The following FAM135B variants were observed in gnomAD, a reference collection of about 807,000 sequenced individuals.
FAM135B encodes the protein protein FAM135B.
In FAM135B, 43 loss-of-function variants were observed where a neutral mutation model predicts 127.7. The observed-to-expected ratio is 0.34, with a 90% confidence interval of 0.26 to 0.43. The LOEUF (loss-of-function observed/expected upper bound fraction) is 0.43. Ranked by LOEUF, FAM135B falls within the 20% of genes least tolerant of loss-of-function variation. The pLI is 1.00. For synonymous variants in FAM135B, 670 were observed against 665.1 expected (o/e 1.01, Z -0.11); for missense variants, 1,558 against 1,725.6 (o/e 0.90, Z 1.72).
intron 1 of FAM135B, among the ~76,000 whole-genome samples, chr8:138,374,604 C>T (rs1437699523): frequency 6.6e-6 from 1 of 152,112 alleles, no homozygotes; most frequent in Non-Finnish European, 1.5e-5. Flanking sequence ...GACTCTAGGC[C>T]AGAGTGTGAA....
At chr8:138,337,679 C>T (rs955929724) in intron 2 of FAM135B, among the ~76,000 whole-genome samples, 7 of 152,092 alleles carry the variant, frequency 4.6e-5, no homozygotes, top group African/African-American at 1.7e-4. Context: ...AATGGCCAAA[C>T]TGCCCAAGGT....
intron 5 of FAM135B, 103 bp downstream of exon 5, chr8:138,256,586 G>A: frequency 2.1e-6 from 2 of 930,548 alleles, no homozygotes; most frequent in Non-Finnish European, 3.4e-6. Context: ...ATGCTGATCT[G>A]AGAGACGTTC....
chr8:138,227,201 A>G lies in FAM135B; in HGVS notation c.669+15741T>C, dbSNP rs564608494. Among the ~76,000 whole-genome samples the G allele has an allele frequency of 1.6e-4, 24 of 152,238 alleles. No homozygotes were observed. In the East Asian group the frequency reaches 4.3e-3, roughly 27 times the overall value. The stretch of plus-strand genomic sequence containing the variant: ...GACCTTTGACATGGCTGTTGCTAAA[A>G]CCTCTGCTCAAATATGGATGCTCAT... On this transcript the variant is annotated intron_variant, in intron 7 of 19. Transcript: ENST00000395297.
chr8:138,424,067 C>T (rs1463397515), intron 1 of FAM135B, among the ~76,000 whole-genome samples: 2 of 151,916 alleles, frequency 1.3e-5, no homozygotes, highest in Non-Finnish European at 2.9e-5. Context: ...TTCAAGGTGC[C>T]CAGATTTCAT....
intron 3 of FAM135B, among the ~76,000 whole-genome samples, chr8:138,310,517 C>A (rs1002497510): frequency 4.6e-5 from 7 of 152,126 alleles, no homozygotes; most frequent in African/African-American, 1.4e-4. Flanking sequence ...CTTTAACAGG[C>A]TTCTCTACCC....
At chr8:138,223,951 T>C (rs1013895299) in intron 7 of FAM135B, among the ~76,000 whole-genome samples, 14 of 152,116 alleles carry the variant, frequency 9.2e-5, no homozygotes, top group African/African-American at 3.4e-4. Context: ...AAATGTCACA[T>C]GTTCTCACTT....
At chr8:138,223,810 A>T (rs1267650122) in intron 7 of FAM135B, among the ~76,000 whole-genome samples, 1 of 152,242 alleles carries the variant, frequency 6.6e-6, no homozygotes, top group Non-Finnish European at 1.5e-5. Flanking sequence ...GATGGATTAG[A>T]TAAACAACAT....
At chr8:138,145,766 A>G (rs1044211326) in intron 15 of FAM135B, among the ~76,000 whole-genome samples, 193 bp downstream of exon 15, 1 of 152,046 alleles carries the variant, frequency 6.6e-6, no homozygotes, top group Non-Finnish European at 1.5e-5. Flanking sequence ...ACATGTTCTC[A>G]TTTCTTACCG....
intron 1 of FAM135B, among the ~76,000 whole-genome samples, chr8:138,425,733 T>C (rs1266953514): frequency 1.3e-5 from 2 of 151,448 alleles, no homozygotes; most frequent in Non-Finnish European, 2.9e-5. Flanking sequence ...GTAGATACCA[T>C]GCTTTCTCCT....
intron 1 of FAM135B, among the ~76,000 whole-genome samples, chr8:138,445,729 T>C (rs920579368): frequency 5.3e-5 from 8 of 152,184 alleles, no homozygotes; most frequent in Non-Finnish European, 1.5e-5. Context: ...AAGCATTCCC[T>C]TTGAAAACTG....
rs1232215103 is a variant in FAM135B at position 138,173,148 on chromosome 8, C to T, written c.1103+4199G>A. 5.3e-5 allele frequency among the ~76,000 whole-genome samples: 8 copies of T among 152,092 alleles called. 1 individual carries two copies. The highest frequency in any genetic ancestry group is 4.2e-4 in the South Asian group (2 of 4,814). ...TGGATTTTATTTGGGGTATTCTGTG[C>T]GGCACATAGGGAAAGAGTCTCCTGA... is the stretch of plus-strand genomic sequence containing the variant. On this transcript the variant is annotated intron_variant, in intron 11 of 19. Coordinates refer to ENST00000395297, the MANE Select transcript of FAM135B (RefSeq NM_015912.4).
intron 1 of FAM135B, among the ~76,000 whole-genome samples, chr8:138,369,317 C>T (rs567594473): frequency 6.6e-6 from 1 of 152,114 alleles, no homozygotes; most frequent in Non-Finnish European, 1.5e-5. Context: ...CCTTCCAAAG[C>T]CCCTCTTACT....
chr8:138,469,525 A>G (rs887368721), intron 1 of FAM135B, among the ~76,000 whole-genome samples: 4 of 152,214 alleles, frequency 2.6e-5, no homozygotes, highest in Admixed American at 6.5e-5. Flanking sequence ...GAAGAAAAAA[A>G]TCAGGGAAAC....
intron 1 of FAM135B, among the ~76,000 whole-genome samples, chr8:138,443,238 C>A (rs1218878396): frequency 6.6e-6 from 1 of 152,074 alleles, no homozygotes; most frequent in African/African-American, 2.4e-5. Flanking sequence ...AATTAATATC[C>A]CAGAAATAAT....
At chr8:138,317,343 G>A (rs1827172510) in intron 2 of FAM135B, among the ~76,000 whole-genome samples, 1 of 152,182 alleles carries the variant, frequency 6.6e-6, no homozygotes. Context: ...GCTGCCAGGG[G>A]TTGGGGAGTG....
At chr8:138,213,861 G>T (rs1415219482) in intron 7 of FAM135B, among the ~76,000 whole-genome samples, 1 of 152,158 alleles carries the variant, frequency 6.6e-6, no homozygotes, top group East Asian at 1.9e-4. Context: ...GAGCCTGATG[G>T]ATAGGAGAGC....
chr8:138,302,538 A>G lies in FAM135B; in HGVS notation c.157+8303T>C, dbSNP rs367805284. 1.5e-3 allele frequency among the ~76,000 whole-genome samples: 219 copies of G among 150,772 alleles called. 1 individual carries two copies. The highest frequency in any genetic ancestry group is 5.1e-3 in the African/African-American group (210 of 40,932). ...ATGCAGGGCAGGGCTGTTGACTCCA[A>G]GTGAGCCAAAGTCATAAAGATCTGC... On this transcript the variant is annotated intron_variant, in intron 3 of 19. Transcript: ENST00000395297.
chr8:138,240,122 A>G (rs1820627628), intron 7 of FAM135B, among the ~76,000 whole-genome samples: 1 of 152,194 alleles, frequency 6.6e-6, no homozygotes, highest in Non-Finnish European at 1.5e-5. Context: ...CATTGTGCAC[A>G]TGTACCCTAG....
chr8:138,476,844 G>A (rs926833820), intron 1 of FAM135B, among the ~76,000 whole-genome samples: 4 of 152,150 alleles, frequency 2.6e-5, no homozygotes, highest in African/African-American at 9.7e-5. Flanking sequence ...ACTGCTTCTT[G>A]TAAAATGACC....
Sources: allele counts gnomAD v4.1 joint callset (sites outside exome capture counted in the v4.1 genomes callset), GRCh38; gene constraint gnomAD v4.1.1; transcripts MANE v1.5; gene names NCBI Gene and HGNC (gene_info 2026-07-23, HGNC 2026-07-21).